ERC2: variants seen among roughly 807,000 people sequenced by gnomAD.
ERC2 encodes ELKS/RAB6-interacting/CAST family member 2, also known as ERC protein 2.
Under a neutral mutation model 114.8 loss-of-function variants are expected in ERC2, and 42 were observed. That is an observed-to-expected ratio of 0.37 (90% CI 0.29 to 0.47). The LOEUF (loss-of-function observed/expected upper bound fraction) is 0.47. Among genes scored for constraint, ERC2 ranks in the 20% least tolerant of loss-of-function variants. The pLI is 0.99. For missense variants in ERC2, 939 were observed against 1,150.7 expected (o/e 0.82, Z 2.66); for synonymous variants, 454 against 425.5 (o/e 1.07, Z -0.82).
chr3:55,711,772 A>G (rs2063790524), intron 15 of ERC2, among the ~76,000 whole-genome samples: 1 of 152,208 alleles, frequency 6.6e-6, no homozygotes, highest in African/African-American at 2.4e-5. Context: ...GCAAAGGAAC[A>G]GCTTTGCTTG....
At chr3:55,631,519 A>G (rs1403777737) in intron 17 of ERC2, among the ~76,000 whole-genome samples, 3 of 152,336 alleles carry the variant, frequency 2.0e-5, no homozygotes, top group South Asian at 4.1e-4. Context: ...CTCCTCCTCC[A>G]AAACTCTAGC....
chr3:55,951,685 T>C (rs936936907), intron 12 of ERC2, among the ~76,000 whole-genome samples: 1 of 152,094 alleles, frequency 6.6e-6, no homozygotes, highest in Admixed American at 6.6e-5. Flanking sequence ...CAGAATCATT[T>C]GGGGTCCTTT....
intron 14 of ERC2, among the ~76,000 whole-genome samples, chr3:55,792,722 C>T (rs2070146164): frequency 6.6e-6 from 1 of 152,154 alleles, no homozygotes; most frequent in African/African-American, 2.4e-5. Context: ...AAATGTAGAA[C>T]AAATGAATGT....
chr3:56,467,237 ATTGGTTCT>A, intron 1 of ERC2: 1 of 152,320 alleles, frequency 6.6e-6, no homozygotes, highest in African/African-American at 2.4e-5. Context: ...CCGAGCATTG[ATTGGTTCT>A]TTGGGTTCCA....
At chr3:55,595,417 T>C (rs2058083336) in intron 17 of ERC2, among the ~76,000 whole-genome samples, 4 of 152,232 alleles carry the variant, frequency 2.6e-5, no homozygotes, top group Admixed American at 2.6e-4. Context: ...TCTTCAAAGA[T>C]TCTATTCCCA....
chr3:55,853,256 G>T (rs1308835995), intron 14 of ERC2, among the ~76,000 whole-genome samples: 1 of 152,226 alleles, frequency 6.6e-6, no homozygotes, highest in East Asian at 1.9e-4. Context: ...GCTGGGTGTG[G>T]TGGCTCATGC....
intron 3 of ERC2, among the ~76,000 whole-genome samples, chr3:56,178,573 G>A (rs900412540): frequency 6.6e-6 from 1 of 152,110 alleles, no homozygotes; most frequent in Non-Finnish European, 1.5e-5. Context: ...CACTATTATG[G>A]ACCAACACCA....
At chr3:56,400,968 T>C (rs1353355624) in intron 2 of ERC2, among the ~76,000 whole-genome samples, 1 of 152,216 alleles carries the variant, frequency 6.6e-6, no homozygotes, top group Admixed American at 6.5e-5. Context: ...AAAAAGCTAC[T>C]TTATTCTTGT....
At chr3:55,543,884 A>G (rs2054568673) in intron 17 of ERC2, among the ~76,000 whole-genome samples, 2 of 152,098 alleles carry the variant, frequency 1.3e-5, no homozygotes, top group Non-Finnish European at 2.9e-5. Context: ...CTCACCACTA[A>G]TCAACTCCAC....
chr3:55,555,723 C>T (rs1238713056), intron 17 of ERC2, among the ~76,000 whole-genome samples: 1 of 152,170 alleles, frequency 6.6e-6, no homozygotes, highest in Admixed American at 6.5e-5. Flanking sequence ...CTGCAAGGCC[C>T]CTGCCTTCAT....
chr3:56,087,185 G>C (rs891844668), intron 6 of ERC2, among the ~76,000 whole-genome samples: 1 of 69,850 alleles, frequency 1.4e-5, no homozygotes, highest in Non-Finnish European at 2.9e-5. Flanking sequence ...CCATTTGTGT[G>C]TGTGTGTGTG....
At chr3:56,095,266 T>A (rs1312529023) in intron 6 of ERC2, among the ~76,000 whole-genome samples, 1 of 151,910 alleles carries the variant, frequency 6.6e-6, no homozygotes, top group Non-Finnish European at 1.5e-5. Context: ...TATGAAAAAA[T>A]TTTAAAAAGA....
chr3:56,066,962 G>C (rs9835511), intron 7 of ERC2, among the ~76,000 whole-genome samples: 2 of 152,172 alleles, frequency 1.3e-5, no homozygotes, highest in African/African-American at 4.8e-5. Context: ...CCTTGTAGTA[G>C]AGTTTGAAGT....
intron 14 of ERC2, among the ~76,000 whole-genome samples, chr3:55,839,576 T>C (rs972223115): frequency 6.6e-6 from 1 of 151,852 alleles, no homozygotes; most frequent in Non-Finnish European, 1.5e-5. Flanking sequence ...AATGGAAATA[T>C]AATAAGATTC....
Position 56,144,122 on chromosome 3 carries a change from C to G in ERC2, c.1306-4446G>C, listed in dbSNP as rs1381716895. ...AATATTCACTGGGAAAGAATCATGACTGCTTATCAATGTGCCCCAGGTATA... is the reference window on the plus strand; with the variant it reads ...AATATTCACTGGGAAAGAATCATGAGTGCTTATCAATGTGCCCCAGGTATA... On this transcript the variant is annotated intron_variant, in intron 5 of 17. Transcript: ENST00000288221. Among the ~76,000 whole-genome samples, 4 of 152,342 alleles carry G rather than the reference C, an allele frequency of 2.6e-5. No homozygotes were observed. The East Asian group carries it at 7.7e-4, about 29-fold the overall frequency.
At position 55,510,665 on chromosome 3, in the gene ERC2, G is replaced by A. The variant is rs1012278652; in HGVS notation, c.*651C>T. 10 of 152,578 alleles carry A rather than the reference G, an allele frequency of 6.6e-5. No individual in the cohort carries two copies. The highest frequency in any genetic ancestry group is 2.4e-4 in the African/African-American group (10 of 41,424). 9.5% of individuals were successfully genotyped at this position (152,578 alleles called of 1,614,324 possible). ...TGACTACTGGTTACACCCTCAAAAT[G>A]CGGTTCTTCAAACAACAGATTAAAG... On this transcript the variant is annotated 3_prime_UTR_variant, in exon 18 of 18. Coordinates refer to ENST00000288221, the MANE Select transcript of ERC2 (RefSeq NM_015576.3).
intron 14 of ERC2, among the ~76,000 whole-genome samples, chr3:55,812,157 C>T (rs763815685): frequency 6.6e-5 from 10 of 152,186 alleles, no homozygotes; most frequent in Non-Finnish European, 1.2e-4. Flanking sequence ...TAATAATTGC[C>T]TATTTCTTTA....
chr3:56,188,415 T>G (rs116428049), intron 3 of ERC2, among the ~76,000 whole-genome samples: 59 of 152,174 alleles, frequency 3.9e-4, no homozygotes, highest in African/African-American at 1.4e-3. Flanking sequence ...GAATGGCATA[T>G]GAATCAACAG....
intron 7 of ERC2, among the ~76,000 whole-genome samples, chr3:56,058,605 C>T (rs1348430498): frequency 6.6e-6 from 1 of 152,142 alleles, no homozygotes; most frequent in East Asian, 1.9e-4. Context: ...AAGCAGATTA[C>T]CCTCCATAAT....
Sources: gnomAD v4.1 joint callset for allele counts (sites outside exome capture counted in the v4.1 genomes callset) on GRCh38, gnomAD v4.1.1 for gene constraint, MANE v1.5 for transcripts, NCBI Gene and HGNC (gene_info 2026-07-23, HGNC 2026-07-21) for gene names.